The following CDKAL1 variants were observed in gnomAD, a reference collection of about 807,000 sequenced individuals.
The protein encoded by CDKAL1 is threonylcarbamoyladenosine tRNA methylthiotransferase.
Under a neutral mutation model 68.2 loss-of-function variants are expected in CDKAL1, and 32 were observed. The observed-to-expected ratio is 0.47, with a 90% CI of 0.35 to 0.63. The LOEUF (loss-of-function observed/expected upper bound fraction) is 0.63. CDKAL1 is among the 30% of genes least tolerant of loss of function. CDKAL1 has a pLI of 0.00. For synonymous variants in CDKAL1, 234 were observed against 244.3 expected (o/e 0.96, Z 0.39); for missense variants, 606 against 696.7 (o/e 0.87, Z 1.47).
chr6:20,659,612 G>A (rs1034661592), intron 5 of CDKAL1, among the ~76,000 whole-genome samples: 2 of 152,084 alleles, frequency 1.3e-5, no homozygotes, highest in African/African-American at 4.8e-5. Flanking sequence ...GATATTGTCT[G>A]TATGCTGATT....
At position 20,780,714 on chromosome 6, in the gene CDKAL1, C is replaced by T. The variant is rs1473111055; in HGVS notation, c.518-431C>T. Among the ~76,000 whole-genome samples, 4 of 144,848 alleles carry T rather than the reference C, an allele frequency of 2.8e-5. No individual in the cohort carries two copies. In the East Asian group the frequency reaches 8.0e-4, roughly 29 times the overall value. The stretch of plus-strand genomic sequence containing the variant: ...TTTGAGATGGAGTCTCACTCTGTCA[C>T]CTAGGCTGGAGTGCAGTGGTGCCAT... On this transcript the variant is annotated intron_variant, in intron 7 of 15. Transcript: ENST00000274695.
intron 12 of CDKAL1, among the ~76,000 whole-genome samples, chr6:21,099,623 G>C (rs1475171157): frequency 6.6e-6 from 1 of 152,194 alleles, no homozygotes; most frequent in East Asian, 1.9e-4. Flanking sequence ...TGGTCAGTTA[G>C]AAGGGCAGAG....
At chr6:21,069,203 T>C (rs936965478) in intron 12 of CDKAL1, among the ~76,000 whole-genome samples, 6 of 152,186 alleles carry the variant, frequency 3.9e-5, no homozygotes, top group Non-Finnish European at 8.8e-5. Context: ...TTCAGTACAC[T>C]GAGTAGAATT....
At chr6:20,727,991 A>G (rs1357479448) in intron 5 of CDKAL1, among the ~76,000 whole-genome samples, 1 of 152,162 alleles carries the variant, frequency 6.6e-6, no homozygotes, top group Non-Finnish European at 1.5e-5. Flanking sequence ...CTGCATGTAT[A>G]TATTTTATAT....
intron 13 of CDKAL1, among the ~76,000 whole-genome samples, chr6:21,113,967 G>C (rs555220955): frequency 6.6e-6 from 1 of 151,292 alleles, no homozygotes; most frequent in African/African-American, 2.4e-5. Flanking sequence ...AAAAAGCTCC[G>C]GCCGGGCGCA....
chr6:20,950,915 A>G (rs964700739), intron 9 of CDKAL1, among the ~76,000 whole-genome samples: 2 of 151,508 alleles, frequency 1.3e-5, no homozygotes, highest in Non-Finnish European at 2.9e-5. Flanking sequence ...GGTTACAGTG[A>G]GCCGAGATCG....
chr6:20,722,535 T>C (rs1315296025), intron 5 of CDKAL1: 3 of 332,058 alleles, frequency 9.0e-6, no homozygotes, highest in African/African-American at 4.5e-5. Context: ...CTTCCTGTCA[T>C]AATGCTGCTT....
intron 5 of CDKAL1, among the ~76,000 whole-genome samples, chr6:20,686,560 TA>T (rs1225923723): frequency 6.6e-6 from 1 of 152,214 alleles, no homozygotes; most frequent in Non-Finnish European, 1.5e-5. Flanking sequence ...GTGAGTTGTG[TA>T]ACTATTTCAT....
At chr6:20,685,188 G>T (rs1770561527) in intron 5 of CDKAL1, among the ~76,000 whole-genome samples, 2 of 152,162 alleles carry the variant, frequency 1.3e-5, no homozygotes, top group Admixed American at 6.5e-5. Context: ...AAGAATGTAA[G>T]GTCTGTGTTT....
At chr6:20,838,534 TG>T (rs1382000006) in intron 8 of CDKAL1, among the ~76,000 whole-genome samples, 3 of 152,206 alleles carry the variant, frequency 2.0e-5, no homozygotes, top group Admixed American at 6.5e-5. Flanking sequence ...CGGAAAAGTA[TG>T]TACTTTATGG....
At chr6:21,143,081 A>T (rs997983908) in intron 13 of CDKAL1, among the ~76,000 whole-genome samples, 4 of 152,228 alleles carry the variant, frequency 2.6e-5, no homozygotes, top group African/African-American at 9.6e-5. Flanking sequence ...TAATCATTCT[A>T]TCAGGCTCAA....
At chr6:21,065,764 T>C (rs1771405340) in intron 12 of CDKAL1, among the ~76,000 whole-genome samples, 1 of 151,290 alleles carries the variant, frequency 6.6e-6, no homozygotes. Context: ...AGATGACTCA[T>C]AATGAATGTG....
At position 20,988,182 on chromosome 6, in the gene CDKAL1, A is replaced by ATGTGTGTGTGTGTGTGTG. The variant is rs58720900; in HGVS notation, c.910-12025_910-12008dup. 5.1e-3 allele frequency among the ~76,000 whole-genome samples: 700 copies of ATGTGTGTGTGTGTGTGTG among 137,472 alleles called. 7 individuals carry two copies. Among genetic ancestry groups the ATGTGTGTGTGTGTGTGTG allele is most frequent in the East Asian group, 1.0e-2 (45 of 4,502 alleles). The allele number at this position is 137,472 out of a possible 152,430, so 90.2% of individuals were successfully genotyped here. A position where few individuals can be genotyped will look rare whatever the true frequency, so the allele number is the denominator to read the frequency against. ...TCAAAGTCCTTCAAAGAAACATAATATGTGTGTGTGTGTGTGTGTGTGTGT... is the reference window on the plus strand; with the variant it reads ...TCAAAGTCCTTCAAAGAAACATAATATGTGTGTGTGTGTGTGTGTGTGTGTGTGTGTGTGTGTGTGTGT... On this transcript the variant is annotated intron_variant, in intron 10 of 15. Transcript: ENST00000274695.
intron 12 of CDKAL1, among the ~76,000 whole-genome samples, chr6:21,088,022 A>G (rs4712581): frequency 0.87 from 131,807 of 151,954 alleles, 57,394 homozygotes; most frequent in East Asian, 1. Flanking sequence ...GTATTCGGGC[A>G]GGAAAACAGG....
At chr6:20,613,435 C>T (rs1337687950) in intron 4 of CDKAL1, among the ~76,000 whole-genome samples, 4 of 150,246 alleles carry the variant, frequency 2.7e-5, no homozygotes, top group South Asian at 2.1e-4. Flanking sequence ...CCACCATACC[C>T]GGCTGATTTT....
At chr6:20,546,719 AT>A (rs555858448) in intron 3 of CDKAL1, among the ~76,000 whole-genome samples, 196 bp downstream of exon 3, 1 of 151,756 alleles carries the variant, frequency 6.6e-6, no homozygotes, top group East Asian at 1.9e-4. Context: ...ATACCTGGCT[AT>A]TTTTTGTATT....
At chr6:21,154,608 G>GTCTACA (rs1253197587) in intron 13 of CDKAL1, among the ~76,000 whole-genome samples, 1 of 152,168 alleles carries the variant, frequency 6.6e-6, no homozygotes, top group African/African-American at 2.4e-5. Context: ...TTTGACTCTT[G>GTCTACA]TCTACATGAA....
chr6:21,164,771 T>G (rs768359063), intron 13 of CDKAL1, among the ~76,000 whole-genome samples: 1 of 152,182 alleles, frequency 6.6e-6, no homozygotes, highest in Non-Finnish European at 1.5e-5. Flanking sequence ...TTCATCATCC[T>G]TGAAGCTTGA....
chr6:20,816,561 G>C (rs1777055422), intron 8 of CDKAL1, among the ~76,000 whole-genome samples: 1 of 152,124 alleles, frequency 6.6e-6, no homozygotes, highest in Admixed American at 6.6e-5. Flanking sequence ...TTTAGAAAAT[G>C]AGAATGCTCT....
Sources: allele counts gnomAD v4.1 joint callset (sites outside exome capture counted in the v4.1 genomes callset), GRCh38; gene constraint gnomAD v4.1.1; transcripts MANE v1.5; gene names NCBI Gene and HGNC (gene_info 2026-07-23, HGNC 2026-07-21).